The following SEMA4F variants were observed in gnomAD, a reference collection of about 807,000 sequenced individuals.
The protein encoded by SEMA4F is ssemaphorin 4F.
Under a neutral mutation model 78.4 loss-of-function variants are expected in SEMA4F, and 51 were observed. The observed-to-expected ratio is 0.65, with a 90% confidence interval of 0.52 to 0.82. SEMA4F has a LOEUF of 0.82. Among genes scored for constraint, SEMA4F ranks in the 40% least tolerant of loss-of-function variants. SEMA4F has a pLI of 0.00. For missense variants in SEMA4F, 938 were observed against 1,014.4 expected (o/e 0.92, Z 1.02); for synonymous variants, 418 against 408.7 (o/e 1.02, Z -0.27).
chr2:74,676,036 A>G lies in SEMA4F; in HGVS notation c.1643+127A>G, dbSNP rs561506519. 19 of 972,656 alleles carry G rather than the reference A, an allele frequency of 2.0e-5. No individual in the cohort carries two copies. The South Asian group carries it at 2.4e-4, about 12-fold the overall frequency. 60.3% of individuals were successfully genotyped at this position (972,656 alleles called of 1,614,324 possible). On this transcript the variant is annotated intron_variant, in intron 12 of 13. Transcript: ENST00000357877. ...TTTCTTTTTCTGTCTGTTAGTGTCT[A>G]CATCACTCGTGTGTCCTTCTGTCAG... is the stretch of plus-strand genomic sequence containing the variant.
chr2:74,673,532 C>T lies in SEMA4F; in HGVS notation c.626C>T (p.Ala209Val), dbSNP rs1473360984. The T allele has an allele frequency of 6.2e-7, 1 of 1,614,132 alleles. No individual in the cohort carries two copies. Among genetic ancestry groups the T allele is most frequent in the Non-Finnish European group, 8.5e-7 (1 of 1,180,030 alleles). Residue 209 changes from alanine to valine, a missense_variant, in exon 6 of 14, where the codon GCC becomes GTC. Ala to Val is a moderately conservative substitution (Grantham distance 64). Coordinates refer to ENST00000357877, the MANE Select transcript of SEMA4F (RefSeq NM_004263.5). ...ATTATCACCAGAGCAGTGGGTCGTG[C>T]CGAGGACTGGATTCGGACAGATACC... Reference protein sequence around the residue: ...EPIITRAVGRAEDWIRTDTLP... With the variant: ...EPIITRAVGRVEDWIRTDTLP...
rs146553491 is a variant in SEMA4F, at chr2:74,665,658, T to A, written c.550+2833T>A. ...TTTTGAGTTGTCATGATTATCATTA[T>A]CTATTGTTGAAATTGATGAGACCTT... On this transcript the variant is annotated intron_variant, in intron 5 of 13. Transcript: ENST00000357877. Among the ~76,000 whole-genome samples, 5 of 152,334 alleles carry A rather than the reference T, an allele frequency of 3.3e-5. No individual in the cohort carries two copies. The East Asian group carries it at 9.6e-4, about 29-fold the overall frequency.
In SEMA4F at chr2:74,673,529, G is replaced by A. The variant is rs1037431387; in HGVS notation, c.623G>A (p.Arg208His). Residue 208 changes from arginine (R) to histidine (H), a missense_variant, in exon 6 of 14, where the codon CGT becomes CAT. Physicochemically the swap from Arg to His is conservative, Grantham distance 29 (BLOSUM62 0). Coordinates refer to ENST00000357877, the MANE Select transcript of SEMA4F (RefSeq NM_004263.5). ...TEPIITRAVG[R>H]AEDWIRTDTL... ...CCAATTATCACCAGAGCAGTGGGTC[G>A]TGCCGAGGACTGGATTCGGACAGAT... is the stretch of plus-strand genomic sequence containing the variant. The A allele has an allele frequency of 3.1e-6, 5 of 1,614,178 alleles. No individual in the cohort carries two copies. Among genetic ancestry groups the A allele is most frequent in the South Asian group, 2.2e-5 (2 of 91,084 alleles).
At chr2:74,698,967 G>T in the SEMA4F span, among the ~76,000 whole-genome samples, 2 of 152,008 alleles carry the variant, frequency 1.3e-5, no homozygotes, top group Non-Finnish European at 2.9e-5. Flanking sequence ...AAGTTTGAGG[G>T]AATTTTTTTT....
intron 1 of SEMA4F, among the ~76,000 whole-genome samples, chr2:74,656,120 T>G (rs1684121545): frequency 6.6e-6 from 1 of 152,018 alleles, no homozygotes; most frequent in Non-Finnish European, 1.5e-5. Flanking sequence ...GCAATTCTCC[T>G]GCCTCAGCCT....
chr2:74,704,364 C>G, the SEMA4F span, among the ~76,000 whole-genome samples: 2 of 149,072 alleles, frequency 1.3e-5, no homozygotes, highest in Non-Finnish European at 3.0e-5. Flanking sequence ...ATAAAGATGT[C>G]AGCCCTTGTA....
chr2:74,674,432 G>C, intron 7 of SEMA4F, 66 bp from the exon 8 acceptor site: 1 of 1,449,682 alleles, frequency 6.9e-7, no homozygotes, highest in Non-Finnish European at 9.4e-7. Flanking sequence ...AACTTAAATT[G>C]GTCTCCATGC....
intron 5 of SEMA4F, among the ~76,000 whole-genome samples, chr2:74,666,398 A>G (rs1684700049): frequency 6.6e-6 from 1 of 151,692 alleles, no homozygotes; most frequent in African/African-American, 2.4e-5. Context: ...AACATTTTCA[A>G]AAAGGTTTTA....
At chr2:74,698,154 C>T in the SEMA4F span, among the ~76,000 whole-genome samples, 1 of 152,304 alleles carries the variant, frequency 6.6e-6, no homozygotes, top group East Asian at 1.9e-4. Context: ...CCCTCTAAAA[C>T]ATAGGTCCTA....
At position 74,679,668 on chromosome 2, in the gene SEMA4F, C is replaced by T; in HGVS notation, c.1772C>T (p.Ser591Leu). ...GTGGTCTTGCCATGTTCTCCAAGCT[C>T]AGCATGGGCATCCTGTGTGTGGCAC... Reference protein sequence around the residue: ...AHVVLPCSPSSAWASCVWHQP... With the variant: ...AHVVLPCSPSLAWASCVWHQP... The change falls in exon 14 of 14, where the codon TCA (serine) becomes TTA (leucine). Residue 591 changes from serine to leucine, a missense_variant. Physicochemically the swap from Ser to Leu is moderately radical, Grantham distance 145. Transcript: ENST00000357877. 1 of 1,613,794 alleles carries T rather than the reference C, an allele frequency of 6.2e-7. No homozygotes were observed. The highest frequency in any genetic ancestry group is 8.5e-7 in the Non-Finnish European group (1 of 1,179,958).
the SEMA4F span, among the ~76,000 whole-genome samples, chr2:74,701,222 A>G: frequency 6.6e-6 from 1 of 152,102 alleles, no homozygotes; most frequent in Non-Finnish European, 1.5e-5. Context: ...TGAGGTGATC[A>G]CTGGTTCACT....
chr2:74,707,613 A>C, the SEMA4F span, among the ~76,000 whole-genome samples: 3 of 152,176 alleles, frequency 2.0e-5, no homozygotes, highest in Non-Finnish European at 4.4e-5. Context: ...CAACAAACAC[A>C]ATAAAGATAT....
chr2:74,667,428 C>A (rs1052991827), intron 5 of SEMA4F, among the ~76,000 whole-genome samples: 1 of 152,180 alleles, frequency 6.6e-6, no homozygotes, highest in Admixed American at 6.5e-5. Flanking sequence ...GGCTAAAGGG[C>A]CTGTCCCATT....
At chr2:74,685,907 A>G (rs993703845), downstream of SEMA4F, among the ~76,000 whole-genome samples, 1 of 152,204 alleles carries the variant, frequency 6.6e-6, no homozygotes, top group African/African-American at 2.4e-5. Flanking sequence ...AAGGATATGA[A>G]CAGACCCTTC....
At chr2:74,657,228 G>C (rs571432290) in intron 2 of SEMA4F, among the ~76,000 whole-genome samples, 67 of 152,286 alleles carry the variant, frequency 4.4e-4, no homozygotes, top group African/African-American at 1.6e-3. Context: ...AAACACTTTT[G>C]ATCACAAGCA....
chr2:74,684,690 G>A (rs141030644), downstream of SEMA4F, among the ~76,000 whole-genome samples: 2 of 152,292 alleles, frequency 1.3e-5, no homozygotes, highest in East Asian at 1.9e-4. Flanking sequence ...CAGGGTCAGC[G>A]CGGTGGCTCA....
In SEMA4F at chr2:74,679,206, C is replaced by G. The variant is rs1172390015; in HGVS notation, c.1644-70C>G. 4 of 1,138,914 alleles carry G rather than the reference C, an allele frequency of 3.5e-6. No homozygotes were observed. In the African/African-American group the frequency reaches 6.1e-5, roughly 17 times the overall value. The allele number at this position is 1,138,914 out of a possible 1,614,324, so 70.6% of individuals were successfully genotyped here. Reference sequence around the variant, plus strand: ...TGGGAGATATATTGAATGAGGGAGTCTTCAGTAATACTGAGGGGGGTTGAA... The same window carrying G: ...TGGGAGATATATTGAATGAGGGAGTGTTCAGTAATACTGAGGGGGGTTGAA... On this transcript the variant is annotated intron_variant, in intron 12 of 13. Coordinates refer to ENST00000357877, the MANE Select transcript of SEMA4F (RefSeq NM_004263.5).
rs945355858 is a variant in SEMA4F, at chr2:74,658,585, A to G, written c.456+634A>G. Among the ~76,000 whole-genome samples the G allele has an allele frequency of 6.6e-6, 1 of 152,246 alleles. No individual in the cohort carries two copies. The highest frequency in any genetic ancestry group is 1.5e-5 in the Non-Finnish European group (1 of 68,026). On this transcript the variant is annotated intron_variant, in intron 4 of 13. Transcript: ENST00000357877. The surrounding 1 kb of genome is among the most constrained non-coding windows in gnomAD (Gnocchi z 4.3). Reference sequence around the variant, plus strand: ...GTTTATTGCTGCTGAAGGCCTGGACATCACCAGCCTCAAACACAGGCAGGC... The same window carrying G: ...GTTTATTGCTGCTGAAGGCCTGGACGTCACCAGCCTCAAACACAGGCAGGC...
Position 74,658,039 on chromosome 2 carries a change from C to T in SEMA4F, c.456+88C>T. Reference sequence around the variant, plus strand: ...GTGGTGGGAGGATGGGAAGGGTTTTCTGTGAGCGACCATGATGGGGGCATG... The same window carrying T: ...GTGGTGGGAGGATGGGAAGGGTTTTTTGTGAGCGACCATGATGGGGGCATG... On this transcript the variant is annotated intron_variant, in intron 4 of 13. Coordinates refer to ENST00000357877, the MANE Select transcript of SEMA4F (RefSeq NM_004263.5). This position sits in a 1 kb window ranked among gnomAD's most constrained non-coding sequence, Gnocchi z 4.3. 2.5e-6 allele frequency: 3 copies of T among 1,190,902 alleles called. No individual in the cohort carries two copies. The allele number at this position is 1,190,902 out of a possible 1,614,324, so 73.8% of individuals were successfully genotyped here.
Sources: allele counts gnomAD v4.1 joint callset (sites outside exome capture counted in the v4.1 genomes callset), GRCh38; gene constraint gnomAD v4.1.1; non-coding constraint Gnocchi (gnomAD v3.1); transcripts MANE v1.5; gene names NCBI Gene and HGNC (gene_info 2026-07-23, HGNC 2026-07-21).